CD163L1: variants seen among roughly 807,000 people sequenced by gnomAD.
CD163L1 encodes the protein scavenger receptor cysteine-rich type 1 protein M160.
A neutral mutation model predicts 165.4 loss-of-function variants in CD163L1; 124 were observed. The observed-to-expected ratio is 0.75, with a 90% confidence interval of 0.65 to 0.87. The LOEUF is 0.87. CD163L1 is among the 40% of genes least tolerant of loss of function. CD163L1 has a pLI of 0.00. For synonymous variants in CD163L1, 585 were observed against 662.2 expected (o/e 0.88, Z 1.79); for missense variants, 1,525 against 1,799.9 (o/e 0.85, Z 2.76).
At chr12:7,405,998 C>T (rs769640496) in intron 5 of CD163L1, among the ~76,000 whole-genome samples, 3 of 152,168 alleles carry the variant, frequency 2.0e-5, no homozygotes, top group Non-Finnish European at 4.4e-5. Context: ...AAGTTGCAAA[C>T]TAGAAAACAA....
chr12:7,441,023 T>C, intron 2 of CD163L1, 131 bp downstream of exon 2: 2 of 669,092 alleles, frequency 3.0e-6, no homozygotes, highest in South Asian at 3.7e-5. Flanking sequence ...ATTTACAGGG[T>C]ATAGCTATTG....
intron 8 of CD163L1, among the ~76,000 whole-genome samples, chr12:7,392,195 G>GTAA (rs1238533608): frequency 6.6e-6 from 1 of 152,128 alleles, no homozygotes; most frequent in African/African-American, 2.4e-5. Flanking sequence ...CTCAGCAAAT[G>GTAA]TAAAAGAACA....
chr12:7,387,635 G>A (rs999652860), intron 8 of CD163L1, among the ~76,000 whole-genome samples: 1 of 152,090 alleles, frequency 6.6e-6, no homozygotes, highest in African/African-American at 2.4e-5. Flanking sequence ...TGTGATGCTG[G>A]CTCCCCTTCC....
At chr12:7,388,053 G>T (rs1327635792) in intron 8 of CD163L1, among the ~76,000 whole-genome samples, 1 of 152,136 alleles carries the variant, frequency 6.6e-6, no homozygotes, top group Non-Finnish European at 1.5e-5. Context: ...AACAAATGAT[G>T]CTGGGAAGAC....
At chr12:7,339,702 T>C in the CD163L1 span, among the ~76,000 whole-genome samples, 1 of 152,124 alleles carries the variant, frequency 6.6e-6, no homozygotes, top group Non-Finnish European at 1.5e-5. Flanking sequence ...GGCAGAGGTT[T>C]GATTCTGAGC....
chr12:7,418,904 A>G (rs79461431), intron 4 of CD163L1, among the ~76,000 whole-genome samples: 14,558 of 152,052 alleles, frequency 0.096, 1,204 homozygotes, highest in African/African-American at 0.21. Context: ...GAGAACAAAA[A>G]AAGTCCAGAA....
intron 4 of CD163L1, among the ~76,000 whole-genome samples, chr12:7,421,438 T>C (rs1196822227): frequency 9.2e-6 from 1 of 108,122 alleles, no homozygotes; most frequent in Non-Finnish European, 1.7e-5. Flanking sequence ...TGTACATATA[T>C]ACATATACAT....
At chr12:7,349,593 G>T (rs1261798346) in intron 4 of CD163L1, among the ~76,000 whole-genome samples, 2 of 152,148 alleles carry the variant, frequency 1.3e-5, no homozygotes, top group African/African-American at 2.4e-5. Flanking sequence ...ATGTATAAGG[G>T]TCATATCCTA....
Position 7,375,517 on chromosome 12 carries a change from C to T in CD163L1, c.2765G>A (p.Gly922Asp), listed in dbSNP as rs778150007. The change falls in exon 11 of 20, where the codon GGC (glycine) becomes GAC (aspartate). Residue 922 changes from glycine to aspartate, a missense_variant. By Grantham distance (94) the Gly-to-Asp change is moderately conservative (BLOSUM62 -1). Coordinates refer to ENST00000313599, the MANE Select transcript of CD163L1 (RefSeq NM_174941.6). ...GTCCCAGTGGGTGTCACACAGTGAG[C>T]CCCAGTGTCCAAGCACGTTGATCTC... ...QVEINVLGHW[G>D]SLCDTHWDPE... The T allele has an allele frequency of 6.2e-6, 10 of 1,613,990 alleles. No individual in the cohort carries two copies. The Admixed American group carries it at 1.5e-4, about 24-fold the overall frequency.
downstream of CD163L1, among the ~76,000 whole-genome samples, chr12:7,353,895 T>C (rs1374944059): frequency 1.3e-5 from 2 of 152,096 alleles, no homozygotes; most frequent in Non-Finnish European, 2.9e-5. Flanking sequence ...TATATATTAA[T>C]TGGCTAGGAT....
chr12:7,362,362 T>C (rs1946915339), intron 18 of CD163L1, among the ~76,000 whole-genome samples: 1 of 137,456 alleles, frequency 7.3e-6, no homozygotes, highest in Non-Finnish European at 1.5e-5. Context: ...TATAAATATA[T>C]TAAATATATA....
chr12:7,403,900 A>G (rs1294206392), intron 5 of CD163L1, 45 bp from the exon 6 acceptor site: 3 of 1,543,822 alleles, frequency 1.9e-6, no homozygotes, highest in Non-Finnish European at 2.7e-6. Context: ...GTTTGGGACA[A>G]TATCATCAGC....
intron 2 of CD163L1, chr12:7,439,796 G>A (rs779708198): frequency 1.5e-4 from 245 of 1,613,618 alleles, no homozygotes; most frequent in Non-Finnish European, 1.9e-4. Context: ...TTTATGTCCA[G>A]GATCTTCTCC....
chr12:7,353,929 T>C (rs989299803), downstream of CD163L1, among the ~76,000 whole-genome samples: 1 of 152,110 alleles, frequency 6.6e-6, no homozygotes, highest in African/African-American at 2.4e-5. Context: ...TTAAACTCTC[T>C]ACTACATTTC....
At chr12:7,324,585 A>G in the CD163L1 span, 1 of 1,613,948 alleles carries the variant, frequency 6.2e-7, no homozygotes, top group Non-Finnish European at 8.5e-7. Context: ...AGTCCAGATC[A>G]AATCCGCGGA....
chr12:7,421,277 GTA>G lies in CD163L1; in HGVS notation c.766+11137_766+11138del, dbSNP rs199954597. ...ATATGTATATATCTTCCAAATGTGT[GTA>G]TATATATATGTGTGTATATATGTAT... On this transcript the variant is annotated intron_variant, in intron 4 of 19. Coordinates refer to ENST00000313599, the MANE Select transcript of CD163L1 (RefSeq NM_174941.6). Among the ~76,000 whole-genome samples the G allele has an allele frequency of 9.0e-3, 1,006 of 111,166 alleles. 29 individuals are homozygous for G. Among genetic ancestry groups the G allele is most frequent in the African/African-American group, 0.035 (941 of 26,546 alleles). The allele number at this position is 111,166 out of a possible 152,430, so 72.9% of individuals were successfully genotyped here.
intron 8 of CD163L1, among the ~76,000 whole-genome samples, chr12:7,394,222 G>C (rs1448378082): frequency 2.6e-5 from 4 of 152,032 alleles, no homozygotes; most frequent in Non-Finnish European, 5.9e-5. Context: ...AACCAAAACA[G>C]CATGGTACCG....
At chr12:7,428,286 T>A (rs1019299540) in intron 4 of CD163L1, among the ~76,000 whole-genome samples, 5 of 152,052 alleles carry the variant, frequency 3.3e-5, no homozygotes, top group Admixed American at 1.3e-4. Context: ...ATAAAAAAAA[T>A]TTTTTTAAGT....
chr12:7,363,042 C>A (rs12315930), intron 18 of CD163L1, among the ~76,000 whole-genome samples: 13 of 151,574 alleles, frequency 8.6e-5, no homozygotes, highest in African/African-American at 2.9e-4. Context: ...AAAATATACA[C>A]GAAATAACAG....
Sources: allele counts gnomAD v4.1 joint callset (sites outside exome capture counted in the v4.1 genomes callset), GRCh38; gene constraint gnomAD v4.1.1; transcripts MANE v1.5; gene names NCBI Gene and HGNC (gene_info 2026-07-23, HGNC 2026-07-21).